SDR42E1: variants seen among roughly 807,000 people sequenced by gnomAD.
The protein encoded by SDR42E1 is short chain dehydrogenase/reductase family 42E, member 1.
In SDR42E1, 5 loss-of-function variants were observed where a neutral mutation model predicts 2.6. That is an observed-to-expected ratio of 1.94 (90% CI 1.01 to 4.08). SDR42E1 has a LOEUF of 4.08. Among genes scored for constraint, SDR42E1 ranks in the 30% most tolerant of loss-of-function variants. The pLI is 0.00. For missense variants in SDR42E1, 596 were observed against 478.6 expected (o/e 1.25, Z -2.29); for synonymous variants, 231 against 188.3 (o/e 1.23, Z -1.86).
rs2143828896 is a variant in SDR42E1 at position 81,992,784 on chromosome 16, A to C, written c.*6327T>G. 6.6e-6 allele frequency: 1 copy of C among 152,128 alleles called. No homozygotes were observed. The highest frequency in any genetic ancestry group is 1.5e-5 in the Non-Finnish European group (1 of 68,008). The allele number at this position is 152,128 out of a possible 1,614,324, so 9.4% of individuals were successfully genotyped here. A position where few individuals can be genotyped will look rare whatever the true frequency, so the allele number is the denominator to read the frequency against. Reference sequence around the variant, plus strand: ...GTGAACTAGATTTGGCCTCGGTCATAATTACTTGAGTTCAATGAACTCAAG... The same window carrying C: ...GTGAACTAGATTTGGCCTCGGTCATCATTACTTGAGTTCAATGAACTCAAG... On this transcript the variant is annotated 3_prime_UTR_variant, in exon 3 of 3. Coordinates refer to ENST00000328945, the MANE Select transcript of SDR42E1 (RefSeq NM_145168.3).
Position 82,000,916 on chromosome 16 carries a change from A to G in SDR42E1, c.-26-32T>C, listed in dbSNP as rs1291197028. Reference sequence around the variant, plus strand: ...AAAGAAGTATGCATCACTGTTACTGATCCAAATGCAAACGTCATTCTCCCT... The same window carrying G: ...AAAGAAGTATGCATCACTGTTACTGGTCCAAATGCAAACGTCATTCTCCCT... On this transcript the variant is annotated intron_variant, in intron 1 of 2. Coordinates refer to ENST00000328945, the MANE Select transcript of SDR42E1 (RefSeq NM_145168.3). 2.1e-6 allele frequency: 3 copies of G among 1,422,448 alleles called. No individual in the cohort carries two copies. The African/African-American group carries it at 4.4e-5, about 21-fold the overall frequency. The allele number at this position is 1,422,448 out of a possible 1,614,324, so 88.1% of individuals were successfully genotyped here.
intron 1 of SDR42E1, among the ~76,000 whole-genome samples, chr16:82,009,319 A>C (rs536979272): frequency 6.6e-6 from 1 of 152,308 alleles, no homozygotes; most frequent in South Asian, 2.1e-4. Flanking sequence ...AGATCCACCA[A>C]CAGCTTGCAC....
chr16:82,008,125 A>T (rs1230980983), intron 1 of SDR42E1, among the ~76,000 whole-genome samples: 1 of 152,216 alleles, frequency 6.6e-6, no homozygotes, highest in Non-Finnish European at 1.5e-5. Context: ...CTCTCTTGCC[A>T]GCCACCATGT....
chr16:81,998,935 C>T lies in SDR42E1; in HGVS notation c.*176G>A. 1 of 657,558 alleles carries T rather than the reference C, an allele frequency of 1.5e-6. No homozygotes were observed. The highest frequency in any genetic ancestry group is 2.5e-6 in the Non-Finnish European group (1 of 398,728). The allele number at this position is 657,558 out of a possible 1,614,324, so 40.7% of individuals were successfully genotyped here. A position where few individuals can be genotyped will look rare whatever the true frequency, so the allele number is the denominator to read the frequency against. ...TAATCTCTGCTTCTGCTTTTTCATT[C>T]CCATCTGGATTAGTGCAAGGAAATA... On this transcript the variant is annotated 3_prime_UTR_variant, in exon 3 of 3. Transcript: ENST00000328945.
At chr16:82,007,304 T>C (rs544184995) in intron 1 of SDR42E1, among the ~76,000 whole-genome samples, 5 of 152,328 alleles carry the variant, frequency 3.3e-5, no homozygotes, top group Admixed American at 2.6e-4. Context: ...CGTCTATAAA[T>C]TGAAGTAATA....
rs1912469374 is a variant in SDR42E1 at position 81,993,308 on chromosome 16, C to A, written c.*5803G>T. The A allele has an allele frequency of 6.6e-6, 1 of 152,186 alleles. No individual in the cohort carries two copies. The highest frequency in any genetic ancestry group is 2.4e-5 in the African/African-American group (1 of 41,454). The allele number at this position is 152,186 out of a possible 1,614,324, so 9.4% of individuals were successfully genotyped here. ...TAGTATCTGGCACCAGTGCTCACCT[C>A]CTTGTTGAAAGATAAGAAACACCTA... On this transcript the variant is annotated 3_prime_UTR_variant, in exon 3 of 3. Coordinates refer to ENST00000328945, the MANE Select transcript of SDR42E1 (RefSeq NM_145168.3).
At chr16:82,004,646 G>T (rs772349636) in intron 1 of SDR42E1, among the ~76,000 whole-genome samples, 1 of 152,182 alleles carries the variant, frequency 6.6e-6, no homozygotes, top group African/African-American at 2.4e-5. Context: ...GACTACAGGC[G>T]TGTGCCATGA....
At chr16:82,001,919 AC>A (rs1168932040) in intron 1 of SDR42E1, among the ~76,000 whole-genome samples, 2 of 148,772 alleles carry the variant, frequency 1.3e-5, no homozygotes, top group Non-Finnish European at 3.0e-5. Context: ...AAAAAAAAAA[AC>A]CACAGGAAGC....
At position 82,000,133 on chromosome 16, in the gene SDR42E1, T is replaced by C; in HGVS notation, c.160A>G (p.Ile54Val). 1 of 1,614,238 alleles carries C rather than the reference T, an allele frequency of 6.2e-7. No homozygotes were observed. Among genetic ancestry groups the C allele is most frequent in the Non-Finnish European group, 8.5e-7 (1 of 1,180,028 alleles). ...AQTIPEGIKF[I>V]QGDIRHLSDV... ...GACAGGTGGCGGATGTCTCCTTGTA[T>C]AAACTTGATTCCTTCTGGAATGGTT... Residue 54 changes from isoleucine to valine, a missense_variant, in exon 3 of 3, where the codon ATA (isoleucine) becomes GTA (valine). Transcript: ENST00000328945.
At chr16:82,000,650 T>A in intron 2 of SDR42E1, 141 bp downstream of exon 2, 1 of 653,588 alleles carries the variant, frequency 1.5e-6, no homozygotes, top group Non-Finnish European at 2.7e-6. Flanking sequence ...TCAGCTGCAA[T>A]GTCTGAGCAG....
chr16:81,992,296 T>C lies in SDR42E1; in HGVS notation c.*6815A>G, dbSNP rs1412732908. 1 of 152,232 alleles carries C rather than the reference T, an allele frequency of 6.6e-6. No homozygotes were observed. The highest frequency in any genetic ancestry group is 1.5e-5 in the Non-Finnish European group (1 of 68,034). 9.4% of individuals were successfully genotyped at this position (152,232 alleles called of 1,614,324 possible). A position where few individuals can be genotyped will look rare whatever the true frequency, so the allele number is the denominator to read the frequency against. On this transcript the variant is annotated 3_prime_UTR_variant, in exon 3 of 3. Coordinates refer to ENST00000328945, the MANE Select transcript of SDR42E1 (RefSeq NM_145168.3). ...GTTAATATTGATCATTAGCTTCATG[T>C]TGAACATTCCCAGAAGCTAAATCCC...
intron 2 of SDR42E1, chr16:82,000,459 G>T: frequency 1.5e-6 from 1 of 667,780 alleles, no homozygotes; most frequent in Non-Finnish European, 2.7e-6. Flanking sequence ...AAAGAATGGT[G>T]GCATTTTTCC....
In SDR42E1 at chr16:81,999,084, G is replaced by A. The variant is rs1220287372; in HGVS notation, c.*27C>T. The A allele has an allele frequency of 3.8e-6, 6 of 1,599,744 alleles. No homozygotes were observed. Among genetic ancestry groups the A allele is most frequent in the African/African-American group, 1.3e-5 (1 of 74,540 alleles). ...TTCTTGAGAACCATCTCAGCCAACT[G>A]TGATCACCTTATTTCTGGCCCCTCC... On this transcript the variant is annotated 3_prime_UTR_variant, in exon 3 of 3. Transcript: ENST00000328945.
chr16:82,010,094 C>A (rs1023241070), intron 1 of SDR42E1, among the ~76,000 whole-genome samples: 1 of 152,238 alleles, frequency 6.6e-6, no homozygotes, highest in Admixed American at 6.5e-5. Flanking sequence ...CTTCCCCAGC[C>A]ATGTGGAACT....
intron 1 of SDR42E1, among the ~76,000 whole-genome samples, chr16:82,009,008 T>C (rs1913039495): frequency 6.6e-6 from 1 of 152,186 alleles, no homozygotes; most frequent in Non-Finnish European, 1.5e-5. Context: ...CAGCTCAAAC[T>C]GGGGCTTCAG....
rs1017652280 is a variant in SDR42E1 at position 81,995,568 on chromosome 16, C to T, written c.*3543G>A. On this transcript the variant is annotated 3_prime_UTR_variant, in exon 3 of 3. Coordinates refer to ENST00000328945, the MANE Select transcript of SDR42E1 (RefSeq NM_145168.3). ...CCAGATCATATAGACAATGACTTCCCTTACTCACTAGACCTCATCTAATCT... is the reference window on the plus strand; with the variant it reads ...CCAGATCATATAGACAATGACTTCCTTTACTCACTAGACCTCATCTAATCT... The T allele has an allele frequency of 6.6e-6, 1 of 152,192 alleles. No homozygotes were observed. Among genetic ancestry groups the T allele is most frequent in the Admixed American group, 6.5e-5 (1 of 15,276 alleles). 9.4% of individuals were successfully genotyped at this position (152,192 alleles called of 1,614,324 possible).
chr16:82,009,941 C>T (rs967917220), intron 1 of SDR42E1, among the ~76,000 whole-genome samples: 10 of 152,162 alleles, frequency 6.6e-5, no homozygotes, highest in African/African-American at 1.2e-4. Context: ...TTTCCCATGC[C>T]GTTCTCTTGA....
Position 81,990,257 on chromosome 16 carries a change from A to G in SDR42E1, c.*8854T>C, listed in dbSNP as rs1012504302. 3.9e-5 allele frequency: 6 copies of G among 152,164 alleles called. No homozygotes were observed. Among genetic ancestry groups the G allele is most frequent in the African/African-American group, 1.4e-4 (6 of 41,438 alleles). 9.4% of individuals were successfully genotyped at this position (152,164 alleles called of 1,614,324 possible). ...CACTGCAGCAGTGAGCTGTGTCCAC[A>G]GTGCTACACTTCAGCCTGGTCGACA... On this transcript the variant is annotated 3_prime_UTR_variant, in exon 3 of 3. Coordinates refer to ENST00000328945, the MANE Select transcript of SDR42E1 (RefSeq NM_145168.3).
In SDR42E1 at chr16:82,002,494, A is replaced by G. The variant is rs188699402; in HGVS notation, c.-26-1610T>C. On this transcript the variant is annotated intron_variant, in intron 1 of 2. Transcript: ENST00000328945. ...GGCCAGGCAGCATGCTAAGTGCTTTATGTGTATGTTAGCCATTTAATCCTT... is the reference window on the plus strand; with the variant it reads ...GGCCAGGCAGCATGCTAAGTGCTTTGTGTGTATGTTAGCCATTTAATCCTT... Among the ~76,000 whole-genome samples, 276 of 152,296 alleles carry G rather than the reference A, an allele frequency of 1.8e-3. 1 individual carries two copies. The highest frequency in any genetic ancestry group is 3.0e-3 in the Non-Finnish European group (202 of 68,014).
Sources: gnomAD v4.1 joint callset for allele counts (sites outside exome capture counted in the v4.1 genomes callset) on GRCh38, gnomAD v4.1.1 for gene constraint, MANE v1.5 for transcripts, NCBI Gene and HGNC (gene_info 2026-07-23, HGNC 2026-07-21) for gene names.